KCNH1: variants seen among roughly 807,000 people sequenced by gnomAD.
KCNH1 encodes potassium voltage-gated channel subfamily H member 1, also known as voltage-gated delayed rectifier potassium channel KCNH1.
A neutral mutation model predicts 69.2 loss-of-function variants in KCNH1; 27 were observed. The ratio of observed to expected loss-of-function variants is 0.39; its 90% CI spans 0.29 to 0.54. The LOEUF is 0.54. KCNH1 is among the 20% of genes least tolerant of loss of function. The pLI, the probability that KCNH1 is intolerant of heterozygous loss-of-function variation, is 0.68. For synonymous variants in KCNH1, 456 were observed against 487.7 expected, an observed-to-expected ratio of 0.93 and a Z score of 0.86; for missense variants, 798 against 1,261.6, an observed-to-expected ratio of 0.63 and a Z score of 5.57.
At chr1:210,799,590 G>A (rs983798464) in intron 8 of KCNH1, among the ~76,000 whole-genome samples, 1 of 152,130 alleles carries the variant, frequency 6.6e-6, no homozygotes, top group African/African-American at 2.4e-5. Context: ...ATTAAGTATG[G>A]ACACCTTCAA....
intron 6 of KCNH1, among the ~76,000 whole-genome samples, chr1:211,009,255 A>G (rs1224551953): frequency 2.0e-5 from 3 of 152,222 alleles, no homozygotes; most frequent in African/African-American, 7.2e-5. Flanking sequence ...CACCTTTGAC[A>G]ACAACAGTTA....
Position 211,087,606 on chromosome 1 carries a change from T to TACAC in KCNH1, c.439+2952_439+2955dup, listed in dbSNP as rs59377189. On this transcript the variant is annotated intron_variant, in intron 4 of 10. Coordinates refer to ENST00000271751, the MANE Select transcript of KCNH1 (RefSeq NM_172362.3). ...TACTCTCTCATTCAGCCTTTAAGCA[T>TACAC]ACACACACACACACACACACACACA... Among the ~76,000 whole-genome samples, 1,204 of 142,736 alleles carry TACAC rather than the reference T, an allele frequency of 8.4e-3. 19 individuals carry two copies. The highest frequency in any genetic ancestry group is 0.029 in the African/African-American group (1,115 of 38,098). The allele number at this position is 142,736 out of a possible 152,430, so 93.6% of individuals were successfully genotyped here.
chr1:210,797,747 C>A lies in KCNH1; in HGVS notation c.1676G>T (p.Cys559Phe). Reference sequence around the variant, plus strand: ...GATGTCGGCTCTCATGTCCTTGGGGCAGATCTGCAGGACCTAGCCAGGTAC... The same window carrying A: ...GATGTCGGCTCTCATGTCCTTGGGGAAGATCTGCAGGACCTAGCCAGGTAC... Reference protein sequence around the residue: ...GIDTEKVLQICPKDMRADICV... With the variant: ...GIDTEKVLQIFPKDMRADICV... The change falls in exon 9 of 11, where the codon TGC (cysteine) becomes TTC (phenylalanine). Residue 559 changes from cysteine (C) to phenylalanine (F), a missense_variant. Around this residue, in one of 4 missense-constraint regions of KCNH1, gnomAD observed 197 missense variants for 407.7 expected, o/e 0.48. Coordinates refer to ENST00000271751, the MANE Select transcript of KCNH1 (RefSeq NM_172362.3). The A allele has an allele frequency of 6.2e-7, 1 of 1,612,644 alleles. No homozygotes were observed.
chr1:211,109,944 C>A (rs1349482426), intron 1 of KCNH1, among the ~76,000 whole-genome samples: 2 of 146,652 alleles, frequency 1.4e-5, no homozygotes, highest in African/African-American at 2.5e-5. Flanking sequence ...AAATGAATAG[C>A]AATTAAATAT....
chr1:210,737,649 T>C (rs909893724), intron 10 of KCNH1, among the ~76,000 whole-genome samples: 2 of 152,164 alleles, frequency 1.3e-5, no homozygotes, highest in Admixed American at 6.5e-5. Flanking sequence ...CCCCTGCACA[T>C]ACCCCTCAAA....
chr1:211,077,294 A>G (rs1690753507), intron 5 of KCNH1, among the ~76,000 whole-genome samples: 1 of 152,112 alleles, frequency 6.6e-6, no homozygotes, highest in Non-Finnish European at 1.5e-5. Flanking sequence ...CGACCCCAAG[A>G]TACATGATTG....
chr1:211,057,918 C>A (rs1020128422), intron 5 of KCNH1, among the ~76,000 whole-genome samples: 1 of 152,050 alleles, frequency 6.6e-6, no homozygotes, highest in African/African-American at 2.4e-5. Flanking sequence ...ATTTAATAAT[C>A]AAACTCCCAA....
chr1:210,686,770 C>CACAA (rs778104386), intron 10 of KCNH1, among the ~76,000 whole-genome samples: 166 of 152,278 alleles, frequency 1.1e-3, no homozygotes, highest in Non-Finnish European at 2.1e-3. Flanking sequence ...AATTCCTGAA[C>CACAA]ACAAACATAT....
intron 2 of KCNH1, among the ~76,000 whole-genome samples, chr1:211,105,111 C>T (rs890225642): frequency 9.2e-5 from 14 of 152,180 alleles, no homozygotes; most frequent in African/African-American, 2.4e-4. Flanking sequence ...GTTGTCCTTA[C>T]GCACTCATGT....
At chr1:210,989,738 T>C (rs1360013965) in intron 6 of KCNH1, among the ~76,000 whole-genome samples, 2 of 152,200 alleles carry the variant, frequency 1.3e-5, no homozygotes, top group Admixed American at 6.5e-5. Context: ...GGATAATCTA[T>C]AGGTATCGAG....
chr1:211,019,286 C>T (rs763454994), intron 5 of KCNH1, 30 bp from the exon 6 acceptor site: 3 of 1,435,014 alleles, frequency 2.1e-6, no homozygotes, highest in South Asian at 2.5e-5. Flanking sequence ...CAAGAGAGAA[C>T]TAAGTTAGGA....
chr1:211,104,752 A>G (rs368861142), intron 2 of KCNH1, among the ~76,000 whole-genome samples: 48 of 152,346 alleles, frequency 3.2e-4, no homozygotes, highest in African/African-American at 1.1e-3. Flanking sequence ...AAGAGCAGCA[A>G]TGATCACTCC....
At chr1:211,098,299 C>T (rs552066654) in intron 3 of KCNH1, among the ~76,000 whole-genome samples, 121 of 142,908 alleles carry the variant, frequency 8.5e-4, no homozygotes, top group African/African-American at 3.0e-3. Context: ...CCAGCTTGGG[C>T]GACATAGCCA....
At chr1:210,992,270 C>T (rs908902516) in intron 6 of KCNH1, among the ~76,000 whole-genome samples, 4 of 152,242 alleles carry the variant, frequency 2.6e-5, no homozygotes, top group African/African-American at 9.6e-5. Flanking sequence ...GTCAAACAGG[C>T]GATTGTTATT....
intron 10 of KCNH1, among the ~76,000 whole-genome samples, chr1:210,699,532 G>A (rs967708466): frequency 5.3e-5 from 8 of 152,178 alleles, no homozygotes; most frequent in Non-Finnish European, 8.8e-5. Flanking sequence ...GGCAGCAAGC[G>A]CAGCCACTTG....
intron 6 of KCNH1, among the ~76,000 whole-genome samples, chr1:211,000,545 C>G: frequency 6.6e-6 from 1 of 152,196 alleles, no homozygotes; most frequent in Non-Finnish European, 1.5e-5. Flanking sequence ...ATTCCATGCT[C>G]ATGGATAGGA....
At position 211,044,172 on chromosome 1, in the gene KCNH1, G is replaced by T. The variant is rs547947520; in HGVS notation, c.559-24916C>A. On this transcript the variant is annotated intron_variant, in intron 5 of 10. Transcript: ENST00000271751. ...AACTGTCACTGTTTGCTGATGATAT[G>T]ATTGTATACCTAGAAAACCCTAAAG... Among the ~76,000 whole-genome samples, 10 of 152,272 alleles carry T rather than the reference G, an allele frequency of 6.6e-5. No homozygotes were observed. In the South Asian group the frequency reaches 2.1e-3, roughly 32 times the overall value.
chr1:210,802,532 C>T (rs567549313), intron 8 of KCNH1, among the ~76,000 whole-genome samples: 409 of 152,226 alleles, frequency 2.7e-3, no homozygotes, highest in African/African-American at 9.3e-3. Context: ...CTCAATGGAT[C>T]TGAGATTAAA....
At chr1:210,787,693 A>C (rs1036717536) in intron 9 of KCNH1, among the ~76,000 whole-genome samples, 1 of 152,238 alleles carries the variant, frequency 6.6e-6, no homozygotes, top group African/African-American at 2.4e-5. Flanking sequence ...TCACTCAAGA[A>C]GAAGGAATTT....
Sources: gnomAD v4.1 joint callset for allele counts (sites outside exome capture counted in the v4.1 genomes callset) on GRCh38, gnomAD v4.1.1 for gene constraint, gnomAD v4.1.1 regional missense constraint, MANE v1.5 for transcripts, NCBI Gene and HGNC (gene_info 2026-07-23, HGNC 2026-07-21) for gene names.